The following GABRB1 variants were observed in gnomAD, a reference collection of about 807,000 sequenced individuals.
GABRB1 encodes gamma-aminobutyric acid type A receptor subunit beta1, also known as gamma-aminobutyric acid receptor subunit beta-1.
GABRB1 carries 17 observed loss-of-function variants against 51.6 expected under a neutral mutation model. That is an observed-to-expected ratio of 0.33 (90% CI 0.23 to 0.49). GABRB1 has a LOEUF of 0.49. Among genes scored for constraint, GABRB1 ranks in the 20% least tolerant of loss-of-function variants. The pLI, the probability that GABRB1 is intolerant of heterozygous loss-of-function variation, is 0.99. For missense variants in GABRB1, 410 were observed against 600.6 expected (o/e 0.68, Z 3.32); for synonymous variants, 247 against 218.9 (o/e 1.13, Z -1.14).
At chr4:47,223,881 G>A (rs1720854733) in intron 4 of GABRB1, among the ~76,000 whole-genome samples, 1 of 152,132 alleles carries the variant, frequency 6.6e-6, no homozygotes, top group African/African-American at 2.4e-5. Context: ...ACTAAAGCTA[G>A]AAGTAACATC....
At chr4:47,354,382 T>G (rs1028451677) in intron 5 of GABRB1, among the ~76,000 whole-genome samples, 5 of 152,248 alleles carry the variant, frequency 3.3e-5, no homozygotes, top group Admixed American at 2.6e-4. Context: ...ACAACTTGGC[T>G]TGTTTCCCAT....
At chr4:47,420,806 G>A (rs989446736) in intron 8 of GABRB1, among the ~76,000 whole-genome samples, 2 of 152,202 alleles carry the variant, frequency 1.3e-5, no homozygotes, top group African/African-American at 4.8e-5. Context: ...GGTTACAGCA[G>A]AGCCAACAAG....
chr4:47,178,810 G>GATGGTTGAATGTAGCATTT (rs1386218725), intron 4 of GABRB1, among the ~76,000 whole-genome samples: 4 of 152,002 alleles, frequency 2.6e-5, no homozygotes, highest in African/African-American at 9.7e-5. Context: ...AATTAGGAAC[G>GATGGTTGAATGTAGCATTT]ATGGTTGAAT....
At chr4:47,023,482 A>G (rs1724988966) in intron 1 of GABRB1, among the ~76,000 whole-genome samples, 1 of 151,916 alleles carries the variant, frequency 6.6e-6, no homozygotes, top group Admixed American at 6.6e-5. Context: ...GTCTTATTAA[A>G]GTTTTGTCAT....
At chr4:47,192,587 A>T (rs1403152563) in intron 4 of GABRB1, among the ~76,000 whole-genome samples, 3 of 152,182 alleles carry the variant, frequency 2.0e-5, no homozygotes, top group South Asian at 2.1e-4. Context: ...TAAATTATTC[A>T]TTTATAAATA....
chr4:47,088,172 G>A (rs910060403), intron 3 of GABRB1, among the ~76,000 whole-genome samples: 1 of 152,152 alleles, frequency 6.6e-6, no homozygotes, highest in Non-Finnish European at 1.5e-5. Flanking sequence ...AAAACACGAG[G>A]CATTAGAATT....
At chr4:47,298,198 T>C (rs1724090423) in intron 4 of GABRB1, among the ~76,000 whole-genome samples, 2 of 152,196 alleles carry the variant, frequency 1.3e-5, no homozygotes, top group Non-Finnish European at 2.9e-5. Context: ...GGATGCCCTC[T>C]CTCACCACTC....
At chr4:47,368,889 C>G (rs1041732697) in intron 5 of GABRB1, among the ~76,000 whole-genome samples, 4 of 152,092 alleles carry the variant, frequency 2.6e-5, no homozygotes, top group African/African-American at 9.7e-5. Context: ...AGGTGGATCT[C>G]TTGAGGTCAG....
At chr4:47,212,106 G>A (rs1350902324) in intron 4 of GABRB1, among the ~76,000 whole-genome samples, 3 of 152,048 alleles carry the variant, frequency 2.0e-5, no homozygotes, top group Admixed American at 1.3e-4. Flanking sequence ...ATCAGAACCC[G>A]AAAAGAGCTG....
chr4:47,313,783 A>C (rs1724789624), intron 4 of GABRB1, among the ~76,000 whole-genome samples: 1 of 152,090 alleles, frequency 6.6e-6, no homozygotes, highest in Non-Finnish European at 1.5e-5. Flanking sequence ...CTTGTGTGGG[A>C]GGCCCTGTCT....
intron 1 of GABRB1, among the ~76,000 whole-genome samples, chr4:47,026,319 A>G (rs1433213111): frequency 6.6e-6 from 1 of 151,958 alleles, no homozygotes; most frequent in Non-Finnish European, 1.5e-5. Context: ...CGCAAAGTTT[A>G]TATGTTCAGC....
At chr4:47,194,085 G>A (rs567530672) in intron 4 of GABRB1, among the ~76,000 whole-genome samples, 77 of 152,228 alleles carry the variant, frequency 5.1e-4, no homozygotes, top group Non-Finnish European at 9.1e-4. Flanking sequence ...AATGGTTTAT[G>A]TTTTGACTGT....
Position 47,397,230 on chromosome 4 carries a change from C to T in GABRB1, c.545-6088C>T, listed in dbSNP as rs1728207810. Among the ~76,000 whole-genome samples, 4 of 152,078 alleles carry T rather than the reference C, an allele frequency of 2.6e-5. No individual in the cohort carries two copies. The South Asian group carries it at 8.3e-4, about 32-fold the overall frequency. On this transcript the variant is annotated intron_variant, in intron 5 of 8. Transcript: ENST00000295454. The stretch of plus-strand genomic sequence containing the variant: ...ATGCCAGTAGTATAAAATAATTCTC[C>T]CATGTTTTCTTGCAGTATAAGCATG...
chr4:47,299,073 T>G (rs944356502), intron 4 of GABRB1, among the ~76,000 whole-genome samples: 6 of 151,164 alleles, frequency 4.0e-5, no homozygotes, highest in African/African-American at 1.5e-4. Flanking sequence ...CCTTACACCT[T>G]ATACAAAAAT....
intron 5 of GABRB1, among the ~76,000 whole-genome samples, chr4:47,343,116 A>G (rs1725963657): frequency 6.6e-6 from 1 of 151,962 alleles, no homozygotes; most frequent in African/African-American, 2.4e-5. Context: ...ACGGCTAAAT[A>G]GTATGGTTAA....
At position 47,226,252 on chromosome 4, in the gene GABRB1, T is replaced by C. The variant is rs558894806; in HGVS notation, c.461+64783T>C. Among the ~76,000 whole-genome samples, 168 of 152,132 alleles carry C rather than the reference T, an allele frequency of 1.1e-3. 1 individual carries two copies. The highest frequency in any genetic ancestry group is 2.3e-3 in the Non-Finnish European group (154 of 68,016). ...GACAAATTAATTAGTAAATATGAAG[T>C]GCTGGATTAGTAAATATGAAGTGCA... On this transcript the variant is annotated intron_variant, in intron 4 of 8. Coordinates refer to ENST00000295454, the MANE Select transcript of GABRB1 (RefSeq NM_000812.4).
intron 4 of GABRB1, among the ~76,000 whole-genome samples, chr4:47,304,395 AT>A (rs910290792): frequency 6.6e-6 from 1 of 151,850 alleles, no homozygotes; most frequent in African/African-American, 2.4e-5. Context: ...ATATTGAACA[AT>A]TTTTTCATAT....
chr4:47,316,785 CT>C (rs1023251469), intron 4 of GABRB1, among the ~76,000 whole-genome samples: 6 of 151,826 alleles, frequency 4.0e-5, no homozygotes, highest in African/African-American at 1.5e-4. Flanking sequence ...TCAGGGTAGC[CT>C]TTGCTTGGTT....
At chr4:47,344,504 A>T (rs1268903203) in intron 5 of GABRB1, among the ~76,000 whole-genome samples, 1 of 152,326 alleles carries the variant, frequency 6.6e-6, no homozygotes, top group Non-Finnish European at 1.5e-5. Context: ...CAATACCAAA[A>T]CATATAGAAA....
Sources: gnomAD v4.1 joint callset for allele counts (sites outside exome capture counted in the v4.1 genomes callset) on GRCh38, gnomAD v4.1.1 for gene constraint, MANE v1.5 for transcripts, NCBI Gene and HGNC (gene_info 2026-07-23, HGNC 2026-07-21) for gene names.